The following UBE2QL1 variants were observed in gnomAD, a reference collection of about 807,000 sequenced individuals.
The protein encoded by UBE2QL1 is ubiquitin-conjugating enzyme E2Q-like protein 1.
A neutral mutation model predicts 12.6 loss-of-function variants in UBE2QL1; 5 were observed. The observed-to-expected ratio is 0.40, with a 90% confidence interval of 0.21 to 0.83. The LOEUF (loss-of-function observed/expected upper bound fraction) is 0.83. Among genes scored for constraint, UBE2QL1 ranks in the 40% least tolerant of loss-of-function variants. UBE2QL1 has a pLI of 0.37. For missense variants in UBE2QL1, 99 were observed against 222.6 expected, an observed-to-expected ratio of 0.44 and a Z score of 3.53; for synonymous variants, 96 against 94.5, an observed-to-expected ratio of 1.02 and a Z score of -0.10.
chr5:6,467,388 G>C (rs1739819481), intron 1 of UBE2QL1, among the ~76,000 whole-genome samples: 2 of 152,070 alleles, frequency 1.3e-5, no homozygotes, highest in Non-Finnish European at 2.9e-5. Context: ...TGGATCCCGA[G>C]GCTGCTGCTT....
Position 6,481,855 on chromosome 5 carries a change from A to C in UBE2QL1, c.355-9363A>C, listed in dbSNP as rs1734369481. ...CATGGCCCAATGTGCGCCCACCTGC[A>C]GAATGGGTGCAAGTGCTGAGGTACA... On this transcript the variant is annotated intron_variant, in intron 1 of 1. Transcript: ENST00000399816. This position sits in a 1 kb window ranked among gnomAD's most constrained non-coding sequence, Gnocchi z 4.5. Among the ~76,000 whole-genome samples the C allele has an allele frequency of 6.6e-6, 1 of 152,254 alleles. No homozygotes were observed. The highest frequency in any genetic ancestry group is 2.4e-5 in the African/African-American group (1 of 41,470).
chr5:6,475,392 C>T (rs1734209162), intron 1 of UBE2QL1, among the ~76,000 whole-genome samples: 1 of 144,528 alleles, frequency 6.9e-6, no homozygotes, highest in Non-Finnish European at 1.5e-5. Flanking sequence ...CGGCATTTTC[C>T]ACAGAGATCC....
At chr5:6,477,248 C>T (rs910954385) in intron 1 of UBE2QL1, among the ~76,000 whole-genome samples, 2 of 152,274 alleles carry the variant, frequency 1.3e-5, no homozygotes, top group Non-Finnish European at 1.5e-5. Context: ...TCCTCCCAGT[C>T]ACCCTGCCAC....
chr5:6,462,657 G>C (rs944629120), intron 1 of UBE2QL1, among the ~76,000 whole-genome samples: 7 of 152,186 alleles, frequency 4.6e-5, no homozygotes, highest in African/African-American at 1.7e-4. Context: ...CGACCTATTG[G>C]AGGGCTCAAG....
In UBE2QL1 at chr5:6,481,384, C is replaced by T. The variant is rs1167570144; in HGVS notation, c.355-9834C>T. On this transcript the variant is annotated intron_variant, in intron 1 of 1. Coordinates refer to ENST00000399816, the MANE Select transcript of UBE2QL1 (RefSeq NM_001145161.3). This position sits in a 1 kb window ranked among gnomAD's most constrained non-coding sequence, Gnocchi z 4.5. ...ATTATCCCCATGCAGGAGGTGAGGG[C>T]GGGTAGTGACATGGGTGCAGCGGCT... Among the ~76,000 whole-genome samples the T allele has an allele frequency of 1.3e-5, 2 of 152,138 alleles. No individual in the cohort carries two copies. The highest frequency in any genetic ancestry group is 2.9e-5 in the Non-Finnish European group (2 of 68,008).
Position 6,491,536 on chromosome 5 carries a change from G to T in UBE2QL1, c.*187G>T, listed in dbSNP as rs187699616. ...CAGAGAGGAAGAGGGAGCAAATGCCGTTCGGATTATGTTTCGATTATAAAT... is the reference window on the plus strand; with the variant it reads ...CAGAGAGGAAGAGGGAGCAAATGCCTTTCGGATTATGTTTCGATTATAAAT... On this transcript the variant is annotated 3_prime_UTR_variant, in exon 2 of 2. Transcript: ENST00000399816. The T allele has an allele frequency of 1.5e-6, 1 of 668,256 alleles. No homozygotes were observed. Among genetic ancestry groups the T allele is most frequent in the Non-Finnish European group, 2.2e-6 (1 of 449,206 alleles). 41.4% of individuals were successfully genotyped at this position (668,256 alleles called of 1,614,324 possible).
At chr5:6,473,471 C>T (rs889991069) in intron 1 of UBE2QL1, among the ~76,000 whole-genome samples, 8 of 152,228 alleles carry the variant, frequency 5.3e-5, no homozygotes, top group Admixed American at 6.5e-5. Context: ...ACACACACGC[C>T]TCCTTCTGCT....
intron 1 of UBE2QL1, among the ~76,000 whole-genome samples, chr5:6,489,770 C>T (rs1274805473): frequency 6.6e-6 from 1 of 152,222 alleles, no homozygotes; most frequent in Non-Finnish European, 1.5e-5. Flanking sequence ...TCAGGTGGAT[C>T]GTGCTTGCTG....
chr5:6,472,267 C>A (rs115833881), intron 1 of UBE2QL1, among the ~76,000 whole-genome samples: 1 of 152,170 alleles, frequency 6.6e-6, no homozygotes, highest in Admixed American at 6.5e-5. Context: ...TCCCACCTCC[C>A]TGTGGTCACA....
rs895361809 is a variant in UBE2QL1 at position 6,493,676 on chromosome 5, C to G, written c.*2327C>G. On this transcript the variant is annotated 3_prime_UTR_variant, in exon 2 of 2. Coordinates refer to ENST00000399816, the MANE Select transcript of UBE2QL1 (RefSeq NM_001145161.3). ...CTTTAGTGAACGAAATACCATTTTT[C>G]ACTCAATTGGTAAGAATTTTTCATT... The G allele has an allele frequency of 9.8e-5, 15 of 152,314 alleles. No individual in the cohort carries two copies. The highest frequency in any genetic ancestry group is 3.6e-4 in the African/African-American group (15 of 41,548). 9.4% of individuals were successfully genotyped at this position (152,314 alleles called of 1,614,324 possible).
At chr5:6,456,527 C>A (rs1351131272) in intron 1 of UBE2QL1, among the ~76,000 whole-genome samples, 1 of 152,240 alleles carries the variant, frequency 6.6e-6, no homozygotes, top group Non-Finnish European at 1.5e-5. Flanking sequence ...AATGTCTACA[C>A]TTTCCTACTC....
intron 1 of UBE2QL1, among the ~76,000 whole-genome samples, chr5:6,483,923 G>A (rs757248250): frequency 1.7e-4 from 26 of 152,184 alleles, no homozygotes; most frequent in Non-Finnish European, 3.1e-4. Context: ...TTCTCTGGTC[G>A]CCTGTATGTG....
In UBE2QL1 at chr5:6,495,772, T is replaced by C. The variant is rs1280953216; in HGVS notation, c.*4423T>C. Among the ~76,000 whole-genome samples the C allele has an allele frequency of 6.6e-6, 1 of 152,214 alleles. No individual in the cohort carries two copies. Among genetic ancestry groups the C allele is most frequent in the Non-Finnish European group, 1.5e-5 (1 of 68,050 alleles). ...TGTAGTCAGAACTTTGTAATTTTTT[T>C]CTCCAAAGACAGTGAAATCATGTAC... On this transcript the variant is annotated 3_prime_UTR_variant, in exon 2 of 2. Transcript: ENST00000399816.
rs1279347057 is a variant in UBE2QL1 at position 6,491,893 on chromosome 5, C to T, written c.*544C>T. On this transcript the variant is annotated 3_prime_UTR_variant, in exon 2 of 2. Coordinates refer to ENST00000399816, the MANE Select transcript of UBE2QL1 (RefSeq NM_001145161.3). ...TGGTCCGCTGTGATGACATTTAGAC[C>T]TCATTTGTGCTATGACCTTTGGCTC... 1.3e-5 allele frequency: 2 copies of T among 152,464 alleles called. No individual in the cohort carries two copies. The highest frequency in any genetic ancestry group is 6.5e-5 in the Admixed American group (1 of 15,322). 9.4% of individuals were successfully genotyped at this position (152,464 alleles called of 1,614,324 possible). A position where few individuals can be genotyped will look rare whatever the true frequency, so the allele number is the denominator to read the frequency against.
intron 1 of UBE2QL1, among the ~76,000 whole-genome samples, chr5:6,462,461 G>A (rs192698902): frequency 2.5e-4 from 38 of 152,302 alleles, no homozygotes; most frequent in Non-Finnish European, 5.0e-4. Flanking sequence ...TCATGCTCCC[G>A]AGGGTGGCAT....
intron 1 of UBE2QL1, among the ~76,000 whole-genome samples, chr5:6,451,238 A>T (rs1003162835): frequency 2.7e-5 from 2 of 75,412 alleles, no homozygotes; most frequent in East Asian, 6.1e-4. Flanking sequence ...GTTTGAAATG[A>T]GAAATGGGGA....
chr5:6,457,114 G>T (rs1013266408), intron 1 of UBE2QL1, among the ~76,000 whole-genome samples: 2 of 151,810 alleles, frequency 1.3e-5, no homozygotes, highest in African/African-American at 4.8e-5. Context: ...TATCACATCT[G>T]GTTATGAACC....
chr5:6,475,044 A>G (rs758336947), intron 1 of UBE2QL1, among the ~76,000 whole-genome samples: 5 of 152,260 alleles, frequency 3.3e-5, no homozygotes, highest in Non-Finnish European at 5.9e-5. Context: ...ATATTCTATC[A>G]TAAGATAAAC....
intron 1 of UBE2QL1, among the ~76,000 whole-genome samples, chr5:6,485,231 C>T (rs1734439953): frequency 2.0e-5 from 3 of 152,194 alleles, no homozygotes; most frequent in African/African-American, 4.8e-5. Flanking sequence ...CTTCTGTTTC[C>T]TGTCTCATCC....
Sources: allele counts gnomAD v4.1 joint callset (sites outside exome capture counted in the v4.1 genomes callset), GRCh38; gene constraint gnomAD v4.1.1; non-coding constraint Gnocchi (gnomAD v3.1); transcripts MANE v1.5; gene names NCBI Gene and HGNC (gene_info 2026-07-23, HGNC 2026-07-21).